The following RIGI variants were observed in gnomAD, a reference collection of about 807,000 sequenced individuals.
RIGI encodes the protein RNA sensor RIG-I, also known as antiviral innate immune response receptor RIG-I.
At chr9:32,504,063 A>ACACACACACACACACACACACC in the RIGI span, among the ~76,000 whole-genome samples, 2 of 151,782 alleles carry the variant, frequency 1.3e-5, no homozygotes, top group Non-Finnish European at 2.9e-5. Flanking sequence ...ACACACACAC[A>ACACACACACACACACACACACC]CACACCCAGG....
chr9:32,486,475 A>T, the RIGI span, among the ~76,000 whole-genome samples: 10 of 149,746 alleles, frequency 6.7e-5, no homozygotes, highest in African/African-American at 1.7e-4. Context: ...AAAAAAAAAG[A>T]AGTAGTACAC....
At chr9:32,481,308 C>T in the RIGI span, 7 of 1,600,574 alleles carry the variant, frequency 4.4e-6, no homozygotes, top group East Asian at 8.9e-5. Context: ...GGTGCTGTGA[C>T]CAGAATACGA....
chr9:32,481,886 A>G, the RIGI span, among the ~76,000 whole-genome samples: 3 of 152,166 alleles, frequency 2.0e-5, no homozygotes, highest in South Asian at 2.1e-4. Context: ...CACCTGGCCT[A>G]ATTTTCTTTC....
At chr9:32,486,706 C>A in the RIGI span, among the ~76,000 whole-genome samples, 1 of 151,312 alleles carries the variant, frequency 6.6e-6, no homozygotes, top group African/African-American at 2.4e-5. Flanking sequence ...TTGAGGAGCC[C>A]AGAGGAATGC....
the RIGI span, among the ~76,000 whole-genome samples, chr9:32,464,169 G>C: frequency 6.6e-6 from 1 of 151,788 alleles, no homozygotes. Flanking sequence ...TCCCTTTCCT[G>C]TTCTTGCAGA....
At chr9:32,490,106 G>A in the RIGI span, among the ~76,000 whole-genome samples, 1 of 152,228 alleles carries the variant, frequency 6.6e-6, no homozygotes, top group African/African-American at 2.4e-5. Context: ...CAGGTGCAGT[G>A]GCTCATGCCT....
chr9:32,525,606 G>A, the RIGI span, among the ~76,000 whole-genome samples: 1 of 152,310 alleles, frequency 6.6e-6, no homozygotes, highest in African/African-American at 2.4e-5. Flanking sequence ...ATAAGATTCG[G>A]CAGAGTAAGC....
At chr9:32,503,056 A>G in the RIGI span, among the ~76,000 whole-genome samples, 2 of 152,132 alleles carry the variant, frequency 1.3e-5, no homozygotes, top group Non-Finnish European at 2.9e-5. Context: ...CTTGTCACCT[A>G]TCCCAGCTTC....
the RIGI span, among the ~76,000 whole-genome samples, chr9:32,466,703 A>AG: frequency 6.7e-6 from 1 of 149,974 alleles, no homozygotes; most frequent in Non-Finnish European, 1.5e-5. Flanking sequence ...AAAAAAAAAA[A>AG]AAAAAAAAAA....
chr9:32,506,840 G>A, the RIGI span, among the ~76,000 whole-genome samples: 5 of 152,018 alleles, frequency 3.3e-5, no homozygotes, highest in African/African-American at 1.2e-4. Context: ...AATTACTTCA[G>A]TCAAATTAAT....
the RIGI span, chr9:32,494,057 G>A: frequency 2.6e-6 from 2 of 769,892 alleles, no homozygotes; most frequent in Non-Finnish European, 4.0e-6. Flanking sequence ...AAAAATATCT[G>A]TAAATTACCC....
chr9:32,479,813 G>A, the RIGI span, among the ~76,000 whole-genome samples: 3 of 149,986 alleles, frequency 2.0e-5, no homozygotes, highest in African/African-American at 4.9e-5. Flanking sequence ...CTTGACCCTG[G>A]GCGACAAAGC....
chr9:32,484,465 C>T, the RIGI span, among the ~76,000 whole-genome samples: 1 of 152,158 alleles, frequency 6.6e-6, no homozygotes, highest in African/African-American at 2.4e-5. Context: ...GCTTCTAGTC[C>T]TGGTACCAGG....
chr9:32,508,260 C>CTTTT, the RIGI span, among the ~76,000 whole-genome samples: 3 of 8,062 alleles, frequency 3.7e-4, no homozygotes, highest in Non-Finnish European at 6.3e-4. Flanking sequence ...TTTTTTTTTA[C>CTTTT]TATATGAAAA....
the RIGI span, among the ~76,000 whole-genome samples, chr9:32,495,698 C>T: frequency 8.4e-4 from 109 of 129,498 alleles, 1 homozygote; most frequent in African/African-American, 3.0e-3. Context: ...CTCGCTCTGT[C>T]ACCCAGGCTG....
the RIGI span, among the ~76,000 whole-genome samples, chr9:32,487,134 G>C: frequency 6.6e-6 from 1 of 152,216 alleles, no homozygotes; most frequent in Non-Finnish European, 1.5e-5. Context: ...CACAGGCACA[G>C]AGCATGGGAA....
At chr9:32,471,889 T>C in the RIGI span, among the ~76,000 whole-genome samples, 4 of 152,144 alleles carry the variant, frequency 2.6e-5, no homozygotes, top group Admixed American at 1.3e-4. Context: ...TTTTCATATT[T>C]ATGAAGTTTA....
chr9:32,524,753 C>G, the RIGI span, among the ~76,000 whole-genome samples: 1 of 151,726 alleles, frequency 6.6e-6, no homozygotes, highest in Non-Finnish European at 1.5e-5. Flanking sequence ...CAGGAGTGCA[C>G]CACTACGCCT....
At chr9:32,477,263 T>C in the RIGI span, 4 of 993,438 alleles carry the variant, frequency 4.0e-6, no homozygotes, top group Non-Finnish European at 5.8e-6. Flanking sequence ...TAAGTACTGT[T>C]TTAAATTGGT....
Sources: allele counts gnomAD v4.1 joint callset (sites outside exome capture counted in the v4.1 genomes callset), GRCh38; gene constraint gnomAD v4.1.1; transcripts MANE v1.5; gene names NCBI Gene and HGNC (gene_info 2026-07-23, HGNC 2026-07-21).